Variants in BABAM2 observed in about 807,000 individuals in gnomAD.
The protein encoded by BABAM2 is BRISC and BRCA1 A complex member 2.
Under a neutral mutation model 54.7 loss-of-function variants are expected in BABAM2, and 31 were observed. The observed-to-expected ratio is 0.57, with a 90% CI of 0.43 to 0.77. The LOEUF is 0.77. Ranked by LOEUF, BABAM2 falls within the 30% of genes least tolerant of loss-of-function variation. BABAM2 has a pLI of 0.00. For missense variants in BABAM2, 364 were observed against 455.8 expected (o/e 0.80, Z 1.83); for synonymous variants, 167 against 162.9 (o/e 1.03, Z -0.19).
At chr2:28,131,519 C>G (rs1386498288) in intron 7 of BABAM2, among the ~76,000 whole-genome samples, 1 of 152,172 alleles carries the variant, frequency 6.6e-6, no homozygotes, top group Non-Finnish European at 1.5e-5. Context: ...CACTCACCAG[C>G]TGTCACAAAA....
chr2:28,158,976 TA>T (rs536360339), intron 7 of BABAM2, among the ~76,000 whole-genome samples: 4 of 152,238 alleles, frequency 2.6e-5, no homozygotes, highest in Non-Finnish European at 5.9e-5. Flanking sequence ...ATTTTACTGG[TA>T]TGAAAAGCAT....
At position 28,237,269 on chromosome 2, in the gene BABAM2, G is replaced by A. The variant is rs146767400; in HGVS notation, c.748G>A (p.Val250Ile). The A allele has an allele frequency of 2.1e-4, 333 of 1,613,732 alleles. 1 individual carries two copies. The African/African-American group carries it at 3.9e-3, about 19-fold the overall frequency. Residue 250 changes from valine to isoleucine, a missense_variant, in exon 8 of 12, where the codon GTT becomes ATT. Transcript: ENST00000379624. ...AGGAGGAGGATGTCTCATTGATTAC[G>A]TTCCTCAAGTATGCCACCTGCTCAC... The part of the protein sequence containing the change: ...FPGGGCLIDY[V>I]PQVCHLLTNK...
intron 10 of BABAM2, among the ~76,000 whole-genome samples, chr2:28,271,734 T>C (rs1366944555): frequency 6.6e-6 from 1 of 152,230 alleles, no homozygotes; most frequent in East Asian, 1.9e-4. Context: ...AACAATATGG[T>C]ACAATACAGA....
chr2:28,227,350 A>C (rs966691719), intron 7 of BABAM2, among the ~76,000 whole-genome samples: 2 of 152,010 alleles, frequency 1.3e-5, no homozygotes, highest in Admixed American at 1.3e-4. Context: ...AATGGGCAAA[A>C]AGCTGCTCGG....
chr2:28,325,319 G>A lies in BABAM2; in HGVS notation c.1089-13131G>A, dbSNP rs1360810356. 6.6e-6 allele frequency among the ~76,000 whole-genome samples: 1 copy of A among 152,294 alleles called. No homozygotes were observed. The highest frequency in any genetic ancestry group is 2.4e-5 in the African/African-American group (1 of 41,554). ...GGTGCAGTGTGGAGTGATCCCTGCAGCCCAGCAGAGCAGATGCATCTCCTC... is the reference window on the plus strand; with the variant it reads ...GGTGCAGTGTGGAGTGATCCCTGCAACCCAGCAGAGCAGATGCATCTCCTC... On this transcript the variant is annotated intron_variant, in intron 11 of 11. Coordinates refer to ENST00000379624, the MANE Select transcript of BABAM2 (RefSeq NM_199191.3). The surrounding 1 kb of genome is among the most constrained non-coding windows in gnomAD (Gnocchi z 4.3).
At chr2:28,092,825 T>G (rs1327512271) in intron 6 of BABAM2, among the ~76,000 whole-genome samples, 1 of 151,748 alleles carries the variant, frequency 6.6e-6, no homozygotes, top group Non-Finnish European at 1.5e-5. Flanking sequence ...TTGCCATCCT[T>G]ACTGGACTGT....
Position 27,936,515 on chromosome 2 carries a change from A to G in BABAM2, c.205+6607A>G, listed in dbSNP as rs186872313. Among the ~76,000 whole-genome samples, 969 of 152,326 alleles carry G rather than the reference A, an allele frequency of 6.4e-3. 7 individuals are homozygous for G. Among genetic ancestry groups the G allele is most frequent in the Non-Finnish European group, 7.9e-3 (540 of 68,028 alleles). ...CATGCACACGTATGTTTATTGCGGC[A>G]CTATTCACCATAGCAAAGACTTGGA... is the stretch of plus-strand genomic sequence containing the variant. On this transcript the variant is annotated intron_variant, in intron 3 of 11. Transcript: ENST00000379624.
intron 11 of BABAM2, among the ~76,000 whole-genome samples, chr2:28,316,813 C>G (rs112496039): frequency 3.3e-5 from 5 of 152,282 alleles, no homozygotes; most frequent in African/African-American, 1.2e-4. Context: ...CCCTGGCAAT[C>G]CAAGGATCAT....
At chr2:27,991,742 C>T (rs752250637) in intron 4 of BABAM2, among the ~76,000 whole-genome samples, 24 of 152,180 alleles carry the variant, frequency 1.6e-4, no homozygotes, top group Non-Finnish European at 2.6e-4. Flanking sequence ...TTGCCAAATA[C>T]GATTACATCG....
intron 6 of BABAM2, among the ~76,000 whole-genome samples, chr2:28,060,112 C>G (rs1206581445): frequency 6.6e-6 from 1 of 152,148 alleles, no homozygotes; most frequent in Non-Finnish European, 1.5e-5. Context: ...AAAATTTTAA[C>G]AAACTCAAAA....
chr2:28,327,214 C>G lies in BABAM2; in HGVS notation c.1089-11236C>G, dbSNP rs143627711. 4.0e-4 allele frequency: 618 copies of G among 1,539,258 alleles called. 1 individual carries two copies. In the African/African-American group the frequency reaches 7.6e-3, roughly 19 times the overall value. ...GGAGCCCATTAGGACTACCCTGTCCCTCCCTCCATTTAGCCAGCTGGCCCT... is the reference window on the plus strand; with the variant it reads ...GGAGCCCATTAGGACTACCCTGTCCGTCCCTCCATTTAGCCAGCTGGCCCT... On this transcript the variant is annotated intron_variant, in intron 11 of 11. Coordinates refer to ENST00000379624, the MANE Select transcript of BABAM2 (RefSeq NM_199191.3).
intron 3 of BABAM2, among the ~76,000 whole-genome samples, chr2:27,949,912 C>G (rs2148404437): frequency 6.6e-6 from 1 of 152,312 alleles, no homozygotes; most frequent in Middle Eastern, 3.4e-3. Flanking sequence ...AGTCCCCTTC[C>G]TGTTGCCCTC....
chr2:28,163,203 T>G (rs1271130711), intron 7 of BABAM2, among the ~76,000 whole-genome samples: 1 of 152,154 alleles, frequency 6.6e-6, no homozygotes, highest in Non-Finnish European at 1.5e-5. Flanking sequence ...GCAGCCACCC[T>G]GCTTCCCCCA....
At chr2:28,221,244 C>T (rs545111434) in intron 7 of BABAM2, among the ~76,000 whole-genome samples, 4 of 152,256 alleles carry the variant, frequency 2.6e-5, no homozygotes, top group South Asian at 4.2e-4. Context: ...TGTGCTCATC[C>T]GGTGCCACAT....
At chr2:27,920,455 T>C (rs1226022728) in intron 2 of BABAM2, among the ~76,000 whole-genome samples, 2 of 152,190 alleles carry the variant, frequency 1.3e-5, no homozygotes, top group Non-Finnish European at 2.9e-5. Context: ...GAGTAATCTA[T>C]GTTAGATTTA....
intron 2 of BABAM2, 76 bp downstream of exon 2, chr2:27,894,760 G>A: frequency 6.4e-7 from 1 of 1,554,666 alleles, no homozygotes. Context: ...TTCCTTACCA[G>A]ACTCATAAAA....
chr2:27,909,923 A>ATT (rs1184313791), intron 2 of BABAM2, among the ~76,000 whole-genome samples: 1 of 152,150 alleles, frequency 6.6e-6, no homozygotes, highest in Non-Finnish European at 1.5e-5. Context: ...TATCATTAAT[A>ATT]ATTTTTCATT....
intron 10 of BABAM2, among the ~76,000 whole-genome samples, chr2:28,291,089 A>G (rs938820595): frequency 6.6e-6 from 1 of 152,192 alleles, no homozygotes; most frequent in Non-Finnish European, 1.5e-5. Context: ...GATAGAAATT[A>G]TTATCCTCAT....
At chr2:27,909,267 A>G (rs1666407934) in intron 2 of BABAM2, among the ~76,000 whole-genome samples, 3 of 150,320 alleles carry the variant, frequency 2.0e-5, no homozygotes, top group South Asian at 4.2e-4. Flanking sequence ...TTGATCTCGA[A>G]CTCCTGGGCT....
Sources: allele counts gnomAD v4.1 joint callset (sites outside exome capture counted in the v4.1 genomes callset), GRCh38; gene constraint gnomAD v4.1.1; non-coding constraint Gnocchi (gnomAD v3.1); transcripts MANE v1.5; gene names NCBI Gene and HGNC (gene_info 2026-07-23, HGNC 2026-07-21).